Variants in CPED1 observed in about 807,000 individuals in gnomAD.
The protein encoded by CPED1 is cadherin-like and PC-esterase domain-containing protein 1.
In CPED1, 114 loss-of-function variants were observed where a neutral mutation model predicts 128.2. That is an observed-to-expected ratio of 0.89 (90% CI 0.76 to 1.04). The LOEUF (loss-of-function observed/expected upper bound fraction) is 1.04. Among genes scored for constraint, CPED1 ranks in the 50% least tolerant of loss-of-function variants. The probability of loss-of-function intolerance (pLI) is 0.00; values close to 1 mark genes in which losing one functional copy is unlikely to be tolerated. For synonymous variants in CPED1, 462 were observed against 426.7 expected (o/e 1.08, Z -1.02); for missense variants, 1,211 against 1,207.1 (o/e 1.00, Z -0.05).
At chr7:121,101,452 T>G (rs1194196208) in intron 7 of CPED1, among the ~76,000 whole-genome samples, 5 of 152,142 alleles carry the variant, frequency 3.3e-5, no homozygotes, top group Admixed American at 6.6e-5. Flanking sequence ...TTCCTTCTCC[T>G]GTTGACCAGA....
At chr7:121,042,726 A>G (rs1793089233) in intron 3 of CPED1, among the ~76,000 whole-genome samples, 1 of 152,236 alleles carries the variant, frequency 6.6e-6, no homozygotes, top group Non-Finnish European at 1.5e-5. Flanking sequence ...ATTGTTGTAT[A>G]GGATAAATGA....
At chr7:121,251,868 T>G (rs13230457) in intron 18 of CPED1, among the ~76,000 whole-genome samples, 1 of 150,426 alleles carries the variant, frequency 6.6e-6, no homozygotes, top group Non-Finnish European at 1.5e-5. Flanking sequence ...GAATCAATAT[T>G]GTGAAAATGG....
chr7:121,295,344 G>A (rs918965417), intron 22 of CPED1, 96 bp from the exon 23 acceptor site: 8 of 1,409,718 alleles, frequency 5.7e-6, no homozygotes, highest in Non-Finnish European at 6.7e-6. Flanking sequence ...AGCAACATCT[G>A]TGTGGCAGAG....
At chr7:121,277,134 T>TATC (rs567120969) in intron 22 of CPED1, among the ~76,000 whole-genome samples, 99 of 152,214 alleles carry the variant, frequency 6.5e-4, no homozygotes, top group African/African-American at 2.3e-3. Context: ...TAAAAAATGA[T>TATC]ATCTATAGAT....
chr7:121,271,211 T>A (rs1792221227), intron 21 of CPED1, 73 bp from the exon 22 acceptor site: 1 of 1,236,288 alleles, frequency 8.1e-7, no homozygotes, highest in African/African-American at 1.5e-5. Flanking sequence ...TTTACATAAT[T>A]TCCACCTAAC....
chr7:121,196,370 G>A (rs931705942), intron 16 of CPED1, among the ~76,000 whole-genome samples: 27 of 151,982 alleles, frequency 1.8e-4, no homozygotes, highest in African/African-American at 5.8e-4. Flanking sequence ...CCTTCTGACT[G>A]CTTGCAACTG....
intron 16 of CPED1, among the ~76,000 whole-genome samples, chr7:121,223,539 G>A (rs1797935132): frequency 6.6e-6 from 1 of 152,124 alleles, no homozygotes. Context: ...ATGGTACACA[G>A]CTCCTCTTTT....
intron 16 of CPED1, 133 bp downstream of exon 16, chr7:121,142,274 G>A: frequency 1.2e-6 from 1 of 810,186 alleles, no homozygotes; most frequent in Non-Finnish European, 1.9e-6. Context: ...TTTCAAAAAA[G>A]TGAGAATCCC....
At chr7:121,265,081 G>A (rs369486841) in intron 18 of CPED1, among the ~76,000 whole-genome samples, 1 of 152,066 alleles carries the variant, frequency 6.6e-6, no homozygotes, top group African/African-American at 2.4e-5. Context: ...GGCAGCATTC[G>A]TGTAGGGTCC....
chr7:121,152,899 G>T (rs1796191355), intron 16 of CPED1, among the ~76,000 whole-genome samples: 1 of 152,134 alleles, frequency 6.6e-6, no homozygotes, highest in Non-Finnish European at 1.5e-5. Context: ...AAACATTTCA[G>T]AATTGAGTGT....
intron 3 of CPED1, among the ~76,000 whole-genome samples, chr7:121,032,757 A>T (rs1792769773): frequency 6.6e-6 from 1 of 152,186 alleles, no homozygotes; most frequent in African/African-American, 2.4e-5. Flanking sequence ...TTAGAGGTGT[A>T]GGAATGATGC....
At chr7:121,111,741 T>C (rs1683764747) in intron 7 of CPED1, among the ~76,000 whole-genome samples, 1 of 152,172 alleles carries the variant, frequency 6.6e-6, no homozygotes, top group Non-Finnish European at 1.5e-5. Flanking sequence ...GGTTCTTAGA[T>C]CACCTTCTCC....
intron 6 of CPED1, among the ~76,000 whole-genome samples, chr7:121,098,488 T>C (rs1369950979): frequency 6.6e-6 from 1 of 151,774 alleles, no homozygotes; most frequent in Non-Finnish European, 1.5e-5. Flanking sequence ...TCCCAGTGCT[T>C]TGGGAGGTCA....
Position 121,223,924 on chromosome 7 carries a change from G to T in CPED1, c.2056-12790G>T, listed in dbSNP as rs181963115. 2.1e-3 allele frequency among the ~76,000 whole-genome samples: 320 copies of T among 151,030 alleles called. 1 individual carries two copies. The highest frequency in any genetic ancestry group is 7.5e-3 in the African/African-American group (307 of 41,142). Reference sequence around the variant, plus strand: ...GAAAAAAACAGCTTCTGGATTCATTGATTTTTTTTTTGAAGGAATTTTTGT... The same window carrying T: ...GAAAAAAACAGCTTCTGGATTCATTTATTTTTTTTTTGAAGGAATTTTTGT... On this transcript the variant is annotated intron_variant, in intron 16 of 22. Transcript: ENST00000310396.
intron 5 of CPED1, among the ~76,000 whole-genome samples, chr7:121,092,755 A>G (rs1307217630): frequency 6.6e-6 from 1 of 152,190 alleles, no homozygotes; most frequent in Non-Finnish European, 1.5e-5. Flanking sequence ...ACTCAAATGA[A>G]ATTGGAGCTG....
intron 5 of CPED1, 138 bp downstream of exon 5, chr7:121,064,451 T>A: frequency 8.1e-6 from 5 of 614,202 alleles, no homozygotes; most frequent in Non-Finnish European, 1.5e-5. Flanking sequence ...CTTCCGCAGT[T>A]CACAACGCTT....
At chr7:121,025,034 T>C (rs1792540809) in intron 3 of CPED1, among the ~76,000 whole-genome samples, 1 of 152,192 alleles carries the variant, frequency 6.6e-6, no homozygotes, top group Non-Finnish European at 1.5e-5. Context: ...ACTCTTTTAA[T>C]GATTGTACAA....
chr7:121,155,562 A>T (rs1034855702), intron 16 of CPED1, among the ~76,000 whole-genome samples: 5 of 152,198 alleles, frequency 3.3e-5, no homozygotes, highest in African/African-American at 1.2e-4. Flanking sequence ...CCATGCATTT[A>T]CAGCCAATTC....
chr7:121,267,443 C>A (rs1378198335), intron 21 of CPED1, 141 bp downstream of exon 21: 22 of 443,616 alleles, frequency 5.0e-5, no homozygotes, highest in African/African-American at 3.6e-4. Flanking sequence ...AGTTCCCTTA[C>A]CCCACCAATT....
Sources: gnomAD v4.1 joint callset for allele counts (sites outside exome capture counted in the v4.1 genomes callset) on GRCh38, gnomAD v4.1.1 for gene constraint, MANE v1.5 for transcripts, NCBI Gene and HGNC (gene_info 2026-07-23, HGNC 2026-07-21) for gene names.